Variants in MAF observed in about 807,000 individuals in gnomAD.
The protein encoded by MAF is MAF bZIP transcription factor.
Under a neutral mutation model 22.0 loss-of-function variants are expected in MAF, and 10 were observed. The ratio of observed to expected loss-of-function variants is 0.45; its 90% confidence interval spans 0.28 to 0.77. The LOEUF (loss-of-function observed/expected upper bound fraction) is 0.77. Ranked by LOEUF, MAF falls within the 30% of genes least tolerant of loss-of-function variation. The probability of loss-of-function intolerance (pLI) is 0.12; values close to 1 mark genes in which losing one functional copy is unlikely to be tolerated. For missense variants in MAF, 544 were observed against 548.4 expected, an observed-to-expected ratio of 0.99 and a Z score of 0.08; for synonymous variants, 337 against 255.8, an observed-to-expected ratio of 1.32 and a Z score of -3.03.
the MAF span, among the ~76,000 whole-genome samples, chr16:79,267,753 A>G: frequency 6.6e-6 from 1 of 152,168 alleles, no homozygotes; most frequent in Non-Finnish European, 1.5e-5. Flanking sequence ...GTAAGGGGAG[A>G]ACACAAAGAG....
At chr16:79,303,248 T>C in the MAF span, among the ~76,000 whole-genome samples, 1 of 152,244 alleles carries the variant, frequency 6.6e-6, no homozygotes, top group Non-Finnish European at 1.5e-5. Flanking sequence ...GTCATTGTAC[T>C]GTATTAAAGG....
At chr16:79,367,206 A>C in the MAF span, among the ~76,000 whole-genome samples, 5 of 152,120 alleles carry the variant, frequency 3.3e-5, no homozygotes, top group African/African-American at 4.8e-5. Context: ...TGTCAATTCT[A>C]TGGGTGCTTG....
chr16:79,487,347 G>C, the MAF span, among the ~76,000 whole-genome samples: 118 of 152,232 alleles, frequency 7.8e-4, no homozygotes, highest in African/African-American at 2.2e-3. Flanking sequence ...GAGCCCTCTT[G>C]GGTGTTGAGA....
At chr16:79,290,296 A>G in the MAF span, among the ~76,000 whole-genome samples, 1 of 152,308 alleles carries the variant, frequency 6.6e-6, no homozygotes, top group Admixed American at 6.5e-5. Context: ...CTGATGAGAG[A>G]TATAGCCAGG....
At chr16:79,228,948 G>A in the MAF span, among the ~76,000 whole-genome samples, 6 of 151,898 alleles carry the variant, frequency 4.0e-5, no homozygotes, top group African/African-American at 1.2e-4. Flanking sequence ...GGGCACGGTG[G>A]GGAATGAGGG....
the MAF span, among the ~76,000 whole-genome samples, chr16:79,413,998 T>A: frequency 6.6e-6 from 1 of 152,304 alleles, no homozygotes; most frequent in Middle Eastern, 3.4e-3. Context: ...GCTGGCCAAA[T>A]GCCCTCAGCT....
the MAF span, among the ~76,000 whole-genome samples, chr16:79,345,309 T>A: frequency 6.6e-6 from 1 of 152,204 alleles, no homozygotes; most frequent in Non-Finnish European, 1.5e-5. Flanking sequence ...AAAATCAATT[T>A]TGTTTAATCC....
the MAF span, among the ~76,000 whole-genome samples, chr16:79,232,488 T>C: frequency 6.6e-6 from 1 of 152,032 alleles, no homozygotes; most frequent in African/African-American, 2.4e-5. Flanking sequence ...ACTTGGAGTC[T>C]TGATACAACA....
chr16:79,527,268 C>T, the MAF span, among the ~76,000 whole-genome samples: 1 of 152,184 alleles, frequency 6.6e-6, no homozygotes, highest in Non-Finnish European at 1.5e-5. Flanking sequence ...TATAGGGTTT[C>T]ATCTCCTTCA....
chr16:79,355,823 G>A, the MAF span, among the ~76,000 whole-genome samples: 5 of 152,064 alleles, frequency 3.3e-5, no homozygotes, highest in Admixed American at 6.5e-5. Context: ...GGGGAACGTG[G>A]TGGGGTCCTA....
At chr16:79,523,349 T>A in the MAF span, among the ~76,000 whole-genome samples, 1 of 152,218 alleles carries the variant, frequency 6.6e-6, no homozygotes, top group Non-Finnish European at 1.5e-5. Flanking sequence ...ACAGAGGACT[T>A]TTCTGTGTAC....
chr16:79,210,728 A>C, the MAF span, among the ~76,000 whole-genome samples: 1 of 152,296 alleles, frequency 6.6e-6, no homozygotes, highest in East Asian at 1.9e-4. Flanking sequence ...TGGCTTGCAA[A>C]GCAAAGTGAT....
chr16:79,421,663 T>C, the MAF span, among the ~76,000 whole-genome samples: 1 of 151,072 alleles, frequency 6.6e-6, no homozygotes, highest in South Asian at 2.1e-4. Flanking sequence ...TTGAGACAGG[T>C]TCTTGCTCTG....
At chr16:79,299,529 A>G in the MAF span, among the ~76,000 whole-genome samples, 4 of 151,968 alleles carry the variant, frequency 2.6e-5, no homozygotes, top group South Asian at 8.4e-4. Flanking sequence ...AGAGAGGGAA[A>G]CTCAATTGAC....
the MAF span, among the ~76,000 whole-genome samples, chr16:79,427,562 G>A: frequency 2.0e-5 from 3 of 152,110 alleles, no homozygotes; most frequent in African/African-American, 7.2e-5. Flanking sequence ...ACTGCTCTCT[G>A]GTCAGGCTAC....
chr16:79,566,807 G>A, the MAF span, among the ~76,000 whole-genome samples: 3 of 152,180 alleles, frequency 2.0e-5, no homozygotes, highest in Non-Finnish European at 2.9e-5. Context: ...CTCACCCGGA[G>A]GGAAAAGGCC....
At chr16:79,422,009 C>T in the MAF span, among the ~76,000 whole-genome samples, 1 of 152,168 alleles carries the variant, frequency 6.6e-6, no homozygotes, top group Non-Finnish European at 1.5e-5. Context: ...AACTCCTGAA[C>T]TCAGGTGATC....
chr16:79,571,380 A>T, the MAF span, among the ~76,000 whole-genome samples: 1 of 152,028 alleles, frequency 6.6e-6, no homozygotes, highest in Non-Finnish European at 1.5e-5. Context: ...TAAAACCGGT[A>T]TGAAAACGTC....
the MAF span, among the ~76,000 whole-genome samples, chr16:79,306,922 G>T: frequency 6.6e-6 from 1 of 152,168 alleles, no homozygotes; most frequent in Non-Finnish European, 1.5e-5. Context: ...TGGCTATTTT[G>T]TGAAAAAGCA....
Sources: allele counts gnomAD v4.1 joint callset (sites outside exome capture counted in the v4.1 genomes callset), GRCh38; gene constraint gnomAD v4.1.1; transcripts MANE v1.5; gene names NCBI Gene and HGNC (gene_info 2026-07-23, HGNC 2026-07-21).